PDE4B: variants seen among roughly 807,000 people sequenced by gnomAD.
The protein encoded by PDE4B is phosphodiesterase 4B, also known as 3',5'-cyclic-AMP phosphodiesterase 4B.
A neutral mutation model predicts 82.2 loss-of-function variants in PDE4B; 20 were observed. That is an observed-to-expected ratio of 0.24 (90% CI 0.17 to 0.35). The LOEUF is 0.35. Ranked by LOEUF, PDE4B falls within the 10% of genes least tolerant of loss-of-function variation. PDE4B has a pLI of 1.00. For missense variants in PDE4B, 655 were observed against 907.2 expected (o/e 0.72, Z 3.57); for synonymous variants, 320 against 318.9 (o/e 1.00, Z -0.04).
intron 3 of PDE4B, among the ~76,000 whole-genome samples, chr1:65,930,641 T>C (rs576689033): frequency 1.3e-5 from 2 of 152,372 alleles, no homozygotes; most frequent in South Asian, 2.1e-4. Flanking sequence ...TGGACTTGCA[T>C]AGGGCCTGTA....
chr1:66,212,256 C>G (rs1254588559), intron 3 of PDE4B, among the ~76,000 whole-genome samples: 2 of 152,200 alleles, frequency 1.3e-5, no homozygotes, highest in Non-Finnish European at 2.9e-5. Flanking sequence ...TCCTCTTTCT[C>G]TCATAACCTA....
Position 66,292,516 on chromosome 1 carries a change from A to C in PDE4B, c.634+26429A>C, listed in dbSNP as rs1425992532. On this transcript the variant is annotated intron_variant, in intron 7 of 16. Transcript: ENST00000341517. ...CTTACCAGCTTGAAAGATGAGTTTAATAATACTGACTTTGCATGGTTATTG... is the reference window on the plus strand; with the variant it reads ...CTTACCAGCTTGAAAGATGAGTTTACTAATACTGACTTTGCATGGTTATTG... Among the ~76,000 whole-genome samples, 3 of 152,326 alleles carry C rather than the reference A, an allele frequency of 2.0e-5. No homozygotes were observed. The East Asian group carries it at 5.8e-4, about 29-fold the overall frequency.
At chr1:65,887,151 T>TTTCC (rs1299285227) in intron 1 of PDE4B, among the ~76,000 whole-genome samples, 21 of 144,310 alleles carry the variant, frequency 1.5e-4, no homozygotes, top group African/African-American at 3.1e-4. Context: ...CCTCCTTTCC[T>TTTCC]TTCCTTCCTT....
chr1:65,837,813 A>T (rs750476566), intron 1 of PDE4B, among the ~76,000 whole-genome samples: 18 of 151,750 alleles, frequency 1.2e-4, no homozygotes, highest in South Asian at 2.1e-4. Context: ...TGTGTGTGTG[A>T]GAGAGAGAGG....
At position 66,073,177 on chromosome 1, in the gene PDE4B, C is replaced by T. The variant is rs576902223; in HGVS notation, c.281+154342C>T. ...CTGCTGTGTCTGCTGTGAATTGGTG[C>T]GCCCAACAGATTGAACCCTTCCATG... On this transcript the variant is annotated intron_variant, in intron 3 of 16. Transcript: ENST00000341517. Among the ~76,000 whole-genome samples, 13 of 152,162 alleles carry T rather than the reference C, an allele frequency of 8.5e-5. No individual in the cohort carries two copies. In the South Asian group the frequency reaches 1.7e-3, roughly 19 times the overall value.
At chr1:66,098,088 ACT>A (rs1645152554) in intron 3 of PDE4B, among the ~76,000 whole-genome samples, 1 of 151,436 alleles carries the variant, frequency 6.6e-6, no homozygotes, top group South Asian at 2.1e-4. Context: ...ATTAAGACTA[ACT>A]CTATGTAAGC....
At chr1:66,118,508 G>A (rs1645642982) in intron 3 of PDE4B, among the ~76,000 whole-genome samples, 1 of 151,994 alleles carries the variant, frequency 6.6e-6, no homozygotes, top group Non-Finnish European at 1.5e-5. Flanking sequence ...ACTCATAGGT[G>A]GGAATTGAAC....
chr1:66,060,971 T>C (rs746122117), intron 3 of PDE4B, among the ~76,000 whole-genome samples: 3 of 151,846 alleles, frequency 2.0e-5, no homozygotes, highest in East Asian at 3.9e-4. Context: ...AGAATGTCAC[T>C]GAATGTCATA....
rs746951357 is a variant in PDE4B, at chr1:66,361,759, G to C, written c.986G>C (p.Gly329Ala). 8 of 1,612,642 alleles carry C rather than the reference G, an allele frequency of 5.0e-6. No individual in the cohort carries two copies. The highest frequency in any genetic ancestry group is 6.8e-6 in the Non-Finnish European group (8 of 1,179,224). ...SLNNTSISRF[G>A]VNTENEDHLA... ...AACAATACAAGCATCTCACGCTTTG[G>C]AGTCAACACTGAAAATGAAGATCAC... Residue 329 changes from glycine to alanine, a missense_variant, in exon 10 of 17, where the codon GGA becomes GCA. Gly to Ala is a moderately conservative substitution (Grantham distance 60, BLOSUM62 0). Around this residue, in one of 3 missense-constraint regions of PDE4B, gnomAD observed 283 missense variants for 516.4 expected, o/e 0.55. Coordinates refer to ENST00000341517, the MANE Select transcript of PDE4B (RefSeq NM_002600.4).
chr1:66,032,294 A>C (rs938421539), intron 3 of PDE4B, among the ~76,000 whole-genome samples: 13 of 152,222 alleles, frequency 8.5e-5, no homozygotes, highest in Non-Finnish European at 1.8e-4. Flanking sequence ...ATGAAGCCAT[A>C]GAGATAATGC....
At chr1:66,257,317 T>A in intron 4 of PDE4B, 1 of 424,210 alleles carries the variant, frequency 2.4e-6, no homozygotes. Context: ...TTCCTGGCTC[T>A]GGCAACCAAA....
At chr1:65,932,966 T>C (rs1484507582) in intron 3 of PDE4B, among the ~76,000 whole-genome samples, 1 of 151,940 alleles carries the variant, frequency 6.6e-6, no homozygotes, top group Non-Finnish European at 1.5e-5. Flanking sequence ...CACCATCAAG[T>C]GGACCAATGT....
intron 1 of PDE4B, among the ~76,000 whole-genome samples, chr1:65,825,126 A>T (rs1645999492): frequency 6.6e-6 from 1 of 152,168 alleles, no homozygotes; most frequent in African/African-American, 2.4e-5. Context: ...CATACATGTG[A>T]CCCTGTTCTG....
rs777344425 is a variant in PDE4B at position 66,336,993 on chromosome 1, G to T, written c.747+4373G>T. Among the ~76,000 whole-genome samples, 12 of 152,314 alleles carry T rather than the reference G, an allele frequency of 7.9e-5. No individual in the cohort carries two copies. The South Asian group carries it at 1.0e-3, about 13-fold the overall frequency. On this transcript the variant is annotated intron_variant, in intron 8 of 16. Transcript: ENST00000341517. ...GACAGGCTGATTGCCCTAATGAGGGGTGAACCATTTTGTATTTAACTAAAT... is the reference window on the plus strand; with the variant it reads ...GACAGGCTGATTGCCCTAATGAGGGTTGAACCATTTTGTATTTAACTAAAT...
intron 1 of PDE4B, among the ~76,000 whole-genome samples, chr1:65,812,197 G>C (rs1645828739): frequency 6.6e-6 from 1 of 152,150 alleles, no homozygotes; most frequent in African/African-American, 2.4e-5. Context: ...TTCCTTCCCC[G>C]AGGTCTGACC....
chr1:66,113,981 G>C (rs535169702), intron 3 of PDE4B, among the ~76,000 whole-genome samples: 5 of 152,098 alleles, frequency 3.3e-5, no homozygotes, highest in African/African-American at 1.2e-4. Flanking sequence ...CTGAATGTTC[G>C]TGTCTCCCTA....
chr1:66,257,879 T>C lies in PDE4B; in HGVS notation c.584+16T>C, dbSNP rs1406565610. ...CATCTAACAAGTAAGGATTGACTTT[T>C]TTGTGGAGTTTGAATCCCTAACATA... On this transcript the variant is annotated intron_variant, in intron 6 of 16. Coordinates refer to ENST00000341517, the MANE Select transcript of PDE4B (RefSeq NM_002600.4). 6 of 1,588,886 alleles carry C rather than the reference T, an allele frequency of 3.8e-6. No homozygotes were observed. Among genetic ancestry groups the C allele is most frequent in the African/African-American group, 2.7e-5 (2 of 74,444 alleles).
chr1:66,075,609 A>G (rs551382620), intron 3 of PDE4B, among the ~76,000 whole-genome samples: 6 of 152,172 alleles, frequency 3.9e-5, no homozygotes, highest in Admixed American at 2.6e-4. Flanking sequence ...ATTTTTAGGA[A>G]AGATCTTATC....
intron 1 of PDE4B, among the ~76,000 whole-genome samples, chr1:65,870,054 A>G (rs1557788346): frequency 2.0e-5 from 3 of 152,074 alleles, no homozygotes; most frequent in African/African-American, 7.2e-5. Context: ...TAGACTAGAT[A>G]TTTTTTCCAT....
Sources: allele counts gnomAD v4.1 joint callset (sites outside exome capture counted in the v4.1 genomes callset), GRCh38; gene constraint gnomAD v4.1.1; regional missense constraint gnomAD v4.1.1; transcripts MANE v1.5; gene names NCBI Gene and HGNC (gene_info 2026-07-23, HGNC 2026-07-21).